The following AGBL1 variants were observed in gnomAD, a reference collection of about 807,000 sequenced individuals.
AGBL1 encodes the protein cytosolic carboxypeptidase 4.
A neutral mutation model predicts 118.9 loss-of-function variants in AGBL1; 130 were observed. The observed-to-expected ratio is 1.09, with a 90% CI of 0.95 to 1.26. The LOEUF (loss-of-function observed/expected upper bound fraction) is 1.26, where lower values mean the gene tolerates loss of function less well. AGBL1 is among the 50% of genes most tolerant of loss of function. The pLI, the probability that AGBL1 is intolerant of heterozygous loss-of-function variation, is 0.00. For synonymous variants in AGBL1, 555 were observed against 478.9 expected, an observed-to-expected ratio of 1.16 and a Z score of -2.08; for missense variants, 1,584 against 1,298.1, an observed-to-expected ratio of 1.22 and a Z score of -3.38.
intron 18 of AGBL1, among the ~76,000 whole-genome samples, chr15:86,427,051 C>T (rs1002047963): frequency 7.9e-5 from 12 of 152,150 alleles, no homozygotes; most frequent in South Asian, 2.1e-4. Context: ...CAGGCATGAG[C>T]CACTGCACCT....
At chr15:86,337,704 C>G (rs886626512) in intron 17 of AGBL1, among the ~76,000 whole-genome samples, 1 of 151,736 alleles carries the variant, frequency 6.6e-6, no homozygotes, top group South Asian at 2.1e-4. Context: ...TGGGGCCTGT[C>G]GAGGGAGGGT....
chr15:86,369,625 AAC>A (rs745969226), intron 17 of AGBL1, among the ~76,000 whole-genome samples: 1 of 152,156 alleles, frequency 6.6e-6, no homozygotes, highest in Non-Finnish European at 1.5e-5. Flanking sequence ...GGCTAAAATT[AAC>A]AGTTTGAGAA....
intron 22 of AGBL1, among the ~76,000 whole-genome samples, chr15:86,741,005 C>G (rs529146584): frequency 6.6e-6 from 1 of 152,166 alleles, no homozygotes; most frequent in Admixed American, 6.5e-5. Flanking sequence ...GGAAGAACGA[C>G]TGCTTACTCT....
At chr15:86,813,991 C>T (rs926772374) in intron 22 of AGBL1, among the ~76,000 whole-genome samples, 5 of 152,164 alleles carry the variant, frequency 3.3e-5, no homozygotes, top group African/African-American at 4.8e-5. Flanking sequence ...ATCCCTGTCT[C>T]ATCTGCCAAC....
At chr15:86,533,962 T>G (rs1596236493) in intron 19 of AGBL1, among the ~76,000 whole-genome samples, 1 of 58,682 alleles carries the variant, frequency 1.7e-5, no homozygotes. Flanking sequence ...GGGACTGTGG[T>G]GGGGTGGGGG....
intron 23 of AGBL1, among the ~76,000 whole-genome samples, chr15:86,962,186 T>C (rs1330158591): frequency 6.6e-6 from 1 of 152,044 alleles, no homozygotes; most frequent in Non-Finnish European, 1.5e-5. Context: ...GGTTTATAAA[T>C]ACACATGTAG....
chr15:86,331,939 A>T (rs576462411), intron 17 of AGBL1, among the ~76,000 whole-genome samples: 2 of 152,320 alleles, frequency 1.3e-5, no homozygotes, highest in African/African-American at 4.8e-5. Context: ...AATAGTAATC[A>T]TTAGTTGTCT....
intron 22 of AGBL1, among the ~76,000 whole-genome samples, chr15:86,677,245 G>C (rs1315819486): frequency 6.6e-6 from 1 of 152,182 alleles, no homozygotes; most frequent in African/African-American, 2.4e-5. Flanking sequence ...CAGAGGAAGA[G>C]CAGAGATAGC....
chr15:86,224,735 C>T (rs1303756140), intron 5 of AGBL1, among the ~76,000 whole-genome samples, 179 bp from the exon 6 acceptor site: 2 of 152,156 alleles, frequency 1.3e-5, no homozygotes, highest in African/African-American at 4.8e-5. Context: ...ACACTTCGCT[C>T]AGCGTTATTT....
intron 1 of AGBL1, 61 bp downstream of exon 1, chr15:86,080,084 G>A (rs1895163713): frequency 1.7e-6 from 2 of 1,203,206 alleles, no homozygotes; most frequent in African/African-American, 1.6e-5. Flanking sequence ...GGGCTGGCCT[G>A]CCTGGGAGCT....
chr15:86,231,353 T>G (rs2078452221), intron 6 of AGBL1, among the ~76,000 whole-genome samples: 2 of 152,182 alleles, frequency 1.3e-5, no homozygotes, highest in African/African-American at 4.8e-5. Context: ...CCAGCCTAAT[T>G]CCCGTCCCCA....
At chr15:86,451,212 T>C (rs962166041) in intron 18 of AGBL1, among the ~76,000 whole-genome samples, 4 of 152,186 alleles carry the variant, frequency 2.6e-5, no homozygotes, top group Admixed American at 6.5e-5. Context: ...ACTTTCTCAG[T>C]ACTTCTTGGG....
chr15:86,721,456 A>G (rs2086719464), intron 22 of AGBL1, among the ~76,000 whole-genome samples: 1 of 152,204 alleles, frequency 6.6e-6, no homozygotes, highest in Non-Finnish European at 1.5e-5. Context: ...ACAACGCTTC[A>G]TGCTAAAAAC....
chr15:86,143,909 C>T, intron 3 of AGBL1, 64 bp downstream of exon 3: 8 of 1,559,520 alleles, frequency 5.1e-6, no homozygotes, highest in Non-Finnish European at 7.0e-6. Context: ...ATCATGAGTG[C>T]AATTTGGGAA....
In AGBL1 at chr15:86,548,658, T is replaced by TGCAC. The variant is rs1299226691; in HGVS notation, c.2817+2530_2817+2533dup. ...AGAAGGATAGCCACACACACACACATGCACGCACACACACACACACACACA... is the reference window on the plus strand; with the variant it reads ...AGAAGGATAGCCACACACACACACATGCACGCACGCACACACACACACACACACA... On this transcript the variant is annotated intron_variant, in intron 20 of 22. Coordinates refer to ENST00000614907, the MANE Select transcript of AGBL1 (RefSeq NM_001386094.1). Among the ~76,000 whole-genome samples the TGCAC allele has an allele frequency of 6.3e-3, 727 of 114,772 alleles. 6 individuals are homozygous for TGCAC. Among genetic ancestry groups the TGCAC allele is most frequent in the African/African-American group, 0.019 (566 of 30,582 alleles). 75.3% of individuals were successfully genotyped at this position (114,772 alleles called of 152,430 possible). A position where few individuals can be genotyped will look rare whatever the true frequency, so the allele number is the denominator to read the frequency against.
chr15:86,219,553 C>T (rs866379570), intron 5 of AGBL1, among the ~76,000 whole-genome samples: 1 of 151,944 alleles, frequency 6.6e-6, no homozygotes, highest in East Asian at 1.9e-4. Flanking sequence ...CAAACCCAAG[C>T]CCTCTAATTC....
chr15:86,987,843 T>C (rs2081299664), intron 23 of AGBL1: 2 of 754,322 alleles, frequency 2.7e-6, no homozygotes, highest in South Asian at 2.9e-5. Flanking sequence ...TCTGACCTTA[T>C]GTTGCTGGTA....
chr15:86,130,765 A>G (rs2141608256), intron 1 of AGBL1, among the ~76,000 whole-genome samples: 1 of 152,228 alleles, frequency 6.6e-6, no homozygotes, highest in East Asian at 1.9e-4. Flanking sequence ...TCTAGTCACT[A>G]TTGCTGGTAA....
chr15:87,023,094 A>G (rs971063802), intron 24 of AGBL1, among the ~76,000 whole-genome samples: 1 of 152,110 alleles, frequency 6.6e-6, no homozygotes, highest in Non-Finnish European at 1.5e-5. Flanking sequence ...TACACAGGCA[A>G]CAAATAGCAT....
Sources: allele counts gnomAD v4.1 joint callset (sites outside exome capture counted in the v4.1 genomes callset), GRCh38; gene constraint gnomAD v4.1.1; transcripts MANE v1.5; gene names NCBI Gene and HGNC (gene_info 2026-07-23, HGNC 2026-07-21).